ZRANB3: variants seen among roughly 807,000 people sequenced by gnomAD.
ZRANB3 encodes DNA annealing helicase and endonuclease ZRANB3.
ZRANB3 carries 125 observed loss-of-function variants against 133.8 expected under a neutral mutation model. That is an observed-to-expected ratio of 0.93 (90% CI 0.81 to 1.08). The LOEUF is 1.08. Ranked by LOEUF, ZRANB3 falls within the 50% of genes least tolerant of loss-of-function variation. The probability of loss-of-function intolerance (pLI) is 0.00; values close to 1 mark genes in which losing one functional copy is unlikely to be tolerated. For missense variants in ZRANB3, 1,229 were observed against 1,275.5 expected (o/e 0.96, Z 0.56); for synonymous variants, 387 against 432.7 (o/e 0.89, Z 1.31).
intron 2 of ZRANB3, among the ~76,000 whole-genome samples, chr2:135,393,984 A>C (rs1431877007): frequency 6.6e-6 from 1 of 151,804 alleles, no homozygotes; most frequent in East Asian, 1.9e-4. Flanking sequence ...CAGCCTCTCG[A>C]GTAGCTGGGT....
intron 8 of ZRANB3, among the ~76,000 whole-genome samples, chr2:135,284,763 A>T (rs541165121): frequency 6.7e-6 from 1 of 149,302 alleles, no homozygotes; most frequent in East Asian, 2.0e-4. Context: ...GAGCCGCCGC[A>T]CCCGGCCACC....
intron 2 of ZRANB3, among the ~76,000 whole-genome samples, chr2:135,492,728 C>T (rs1559035466): frequency 6.6e-6 from 1 of 152,008 alleles, no homozygotes; most frequent in Non-Finnish European, 1.5e-5. Flanking sequence ...AAGGTGTCTA[C>T]AGAAGCCACC....
chr2:135,529,236 T>C (rs1694289578), intron 1 of ZRANB3, among the ~76,000 whole-genome samples: 1 of 152,206 alleles, frequency 6.6e-6, no homozygotes, highest in Non-Finnish European at 1.5e-5. Flanking sequence ...AGTTTAAGAA[T>C]AAAGGGCACA....
rs112659354 is a variant in ZRANB3 at position 135,378,491 on chromosome 2, C to CA, written c.180+12310dup. Among the ~76,000 whole-genome samples, 778 of 135,566 alleles carry CA rather than the reference C, an allele frequency of 5.7e-3. 3 individuals carry two copies. Among genetic ancestry groups the CA allele is most frequent in the East Asian group, 0.032 (149 of 4,660 alleles). The allele number at this position is 135,566 out of a possible 152,430, so 88.9% of individuals were successfully genotyped here. On this transcript the variant is annotated intron_variant, in intron 3 of 20. Coordinates refer to ENST00000264159, the MANE Select transcript of ZRANB3 (RefSeq NM_032143.4). ...TGGGTGACAGAGTGAGACTCCATCT[C>CA]AAAAAAAAAAACAAAACAAAAACGT...
chr2:135,464,222 G>A (rs1690885450), intron 2 of ZRANB3, among the ~76,000 whole-genome samples: 1 of 152,158 alleles, frequency 6.6e-6, no homozygotes, highest in South Asian at 2.1e-4. Context: ...CCCTTCAAAG[G>A]GGAAAAGTAT....
intron 12 of ZRANB3, among the ~76,000 whole-genome samples, chr2:135,237,236 A>G (rs1477177736): frequency 3.3e-5 from 5 of 150,602 alleles, no homozygotes; most frequent in African/African-American, 9.8e-5. Flanking sequence ...CAAAACCACA[A>G]TGAGATACCA....
intron 3 of ZRANB3, among the ~76,000 whole-genome samples, chr2:135,376,125 T>G (rs1366708673): frequency 6.6e-6 from 1 of 152,166 alleles, no homozygotes; most frequent in East Asian, 1.9e-4. Flanking sequence ...GTGATGCATC[T>G]ACAAATCAAG....
chr2:135,369,486 T>G (rs530111152), intron 3 of ZRANB3, among the ~76,000 whole-genome samples: 111 of 152,274 alleles, frequency 7.3e-4, no homozygotes, highest in African/African-American at 2.5e-3. Flanking sequence ...TAAAATTAGA[T>G]AAAGGTTAAG....
chr2:135,504,171 A>G (rs1693070154), intron 2 of ZRANB3, 158 bp downstream of exon 2: 1 of 796,116 alleles, frequency 1.3e-6, no homozygotes, highest in Non-Finnish European at 2.1e-6. Context: ...AACATGAAGT[A>G]TAAGTCAACC....
intron 5 of ZRANB3, among the ~76,000 whole-genome samples, chr2:135,347,376 T>C (rs1684986575): frequency 6.6e-6 from 1 of 150,820 alleles, no homozygotes; most frequent in Admixed American, 6.7e-5. Context: ...CACTGCAAGC[T>C]CCGCCTCCTG....
intron 6 of ZRANB3, among the ~76,000 whole-genome samples, chr2:135,328,374 G>A (rs1005223478): frequency 1.3e-4 from 20 of 151,974 alleles, no homozygotes; most frequent in East Asian, 5.8e-4. Flanking sequence ...CATCCACGTC[G>A]CTGCAAAGGA....
intron 3 of ZRANB3, among the ~76,000 whole-genome samples, chr2:135,374,012 G>C (rs1686305607): frequency 6.6e-6 from 1 of 152,106 alleles, no homozygotes; most frequent in Non-Finnish European, 1.5e-5. Flanking sequence ...AACTGGTCCA[G>C]TGTGATGTAA....
intron 6 of ZRANB3, among the ~76,000 whole-genome samples, chr2:135,330,997 G>C (rs1243008264): frequency 1.3e-5 from 2 of 151,990 alleles, no homozygotes; most frequent in African/African-American, 4.8e-5. Context: ...CAAAAAACCA[G>C]CTCCTGGATT....
chr2:135,463,525 C>G (rs1050879120), intron 2 of ZRANB3, among the ~76,000 whole-genome samples: 2 of 151,826 alleles, frequency 1.3e-5, no homozygotes. Context: ...TCAAGCAATT[C>G]TCCTGCCTCA....
chr2:135,509,678 C>T (rs1378978739), intron 1 of ZRANB3, among the ~76,000 whole-genome samples: 1 of 151,968 alleles, frequency 6.6e-6, no homozygotes, highest in African/African-American at 2.4e-5. Flanking sequence ...AACTCTACTT[C>T]AAAAAAACTA....
chr2:135,205,517 T>C (rs777291567), intron 19 of ZRANB3, among the ~76,000 whole-genome samples: 9 of 152,120 alleles, frequency 5.9e-5, no homozygotes, highest in South Asian at 2.1e-4. Context: ...CCCGGCTAAT[T>C]GTTCTGGTTT....
At chr2:135,231,153 T>C (rs998945638) in intron 12 of ZRANB3, among the ~76,000 whole-genome samples, 3 of 152,160 alleles carry the variant, frequency 2.0e-5, no homozygotes, top group Non-Finnish European at 2.9e-5. Flanking sequence ...TCAGCACTTA[T>C]TGTGTGCCAA....
At chr2:135,404,949 G>A (rs1053245723) in intron 2 of ZRANB3, among the ~76,000 whole-genome samples, 1 of 152,120 alleles carries the variant, frequency 6.6e-6, no homozygotes, top group African/African-American at 2.4e-5. Flanking sequence ...ATAATGACAG[G>A]ATCAAATTCA....
At chr2:135,241,365 CTTT>C (rs398060565) in intron 12 of ZRANB3, among the ~76,000 whole-genome samples, 2 of 126,082 alleles carry the variant, frequency 1.6e-5, no homozygotes, top group Non-Finnish European at 1.8e-5. Context: ...ATTCTCTGTT[CTTT>C]TTTTTTTTTT....
Sources: gnomAD v4.1 joint callset for allele counts (sites outside exome capture counted in the v4.1 genomes callset) on GRCh38, gnomAD v4.1.1 for gene constraint, MANE v1.5 for transcripts, NCBI Gene and HGNC (gene_info 2026-07-23, HGNC 2026-07-21) for gene names.